The following SSX2IP variants were observed in gnomAD, a reference collection of about 807,000 sequenced individuals.
SSX2IP encodes afadin- and alpha-actinin-binding protein.
A neutral mutation model predicts 84.9 loss-of-function variants in SSX2IP; 55 were observed. The ratio of observed to expected loss-of-function variants is 0.65; its 90% CI spans 0.52 to 0.81. The LOEUF (loss-of-function observed/expected upper bound fraction) is 0.81, where lower values mean the gene tolerates loss of function less well. Ranked by LOEUF, SSX2IP falls within the 30% of genes least tolerant of loss-of-function variation. SSX2IP has a pLI of 0.00. For synonymous variants in SSX2IP, 239 were observed against 234.7 expected (o/e 1.02, Z -0.17); for missense variants, 664 against 705.2 (o/e 0.94, Z 0.66).
At chr1:84,670,028 T>C in intron 3 of SSX2IP, 135 bp from the exon 4 acceptor site, 1 of 614,668 alleles carries the variant, frequency 1.6e-6, no homozygotes, top group East Asian at 2.8e-5. Context: ...AGCTAATAAC[T>C]ACGTACTATA....
In SSX2IP at chr1:84,656,390, CT is replaced by C. The variant is rs1557477176; in HGVS notation, c.1172del (p.Gln391ArgfsTer6). 6.2e-7 allele frequency: 1 copy of C among 1,613,144 alleles called. No individual in the cohort carries two copies. Among genetic ancestry groups the C allele is most frequent in the Non-Finnish European group, 8.5e-7 (1 of 1,179,678 alleles). Reference protein sequence around the residue: ...QETEKLELEIQQCKEMIKTQQ... With the variant: ...QETEKLELEIXQCKEMIKTQQ... Reference sequence around the variant, plus strand: ...GAGTTTTAATCATTTCTTTACACTGCTGAATTTCTAACTCGAGTTTTTCAGT... The same window carrying C: ...GAGTTTTAATCATTTCTTTACACTGCGAATTTCTAACTCGAGTTTTTCAGT... On this transcript the variant is annotated frameshift_variant, in exon 10 of 14. Coordinates refer to ENST00000342203, the MANE Select transcript of SSX2IP (RefSeq NM_001166293.2). LOFTEE classifies it high-confidence loss of function.
chr1:84,664,945 T>A (rs17099184), intron 5 of SSX2IP, among the ~76,000 whole-genome samples: 4,325 of 152,288 alleles, frequency 0.028, 70 homozygotes, highest in African/African-American at 0.037. Context: ...TGTGACAAAG[T>A]GAATTAAGCC....
chr1:84,681,728 A>G (rs1336130838), intron 1 of SSX2IP, among the ~76,000 whole-genome samples: 8 of 152,226 alleles, frequency 5.3e-5, no homozygotes, highest in Non-Finnish European at 1.0e-4. Flanking sequence ...CCTTGAGTGG[A>G]AATCTCGACT....
chr1:84,675,030 A>T (rs1449401797), intron 1 of SSX2IP, among the ~76,000 whole-genome samples: 1 of 152,230 alleles, frequency 6.6e-6, no homozygotes, highest in Non-Finnish European at 1.5e-5. Flanking sequence ...AGCATTTTTT[A>T]TGAAGATGTT....
At position 84,661,010 on chromosome 1, in the gene SSX2IP, C is replaced by T. The variant is rs138105181; in HGVS notation, c.927+1188G>A. 9.6e-4 allele frequency among the ~76,000 whole-genome samples: 136 copies of T among 141,064 alleles called. 1 individual carries two copies. Among genetic ancestry groups the T allele is most frequent in the African/African-American group, 3.4e-3 (126 of 37,468 alleles). 92.5% of individuals were successfully genotyped at this position (141,064 alleles called of 152,430 possible). A position where few individuals can be genotyped will look rare whatever the true frequency, so the allele number is the denominator to read the frequency against. On this transcript the variant is annotated intron_variant, in intron 8 of 13. Transcript: ENST00000342203. ...TGAACTCGGGAGGCAGAGGTTGCAG[C>T]GAGTCGAGATTGTGCCACTGCGCTC...
chr1:84,644,910 C>T lies in SSX2IP; in HGVS notation c.*2523G>A, dbSNP rs567217818. On this transcript the variant is annotated 3_prime_UTR_variant, in exon 14 of 14. Coordinates refer to ENST00000342203, the MANE Select transcript of SSX2IP (RefSeq NM_001166293.2). ...AATACATTGCTTCTATAAGAAAATA[C>T]TATTTGTTAAATTTTAGTCATAATT... is the stretch of plus-strand genomic sequence containing the variant. 1.3e-5 allele frequency: 2 copies of T among 152,180 alleles called. No individual in the cohort carries two copies. The highest frequency in any genetic ancestry group is 1.9e-4 in the East Asian group (1 of 5,200). 9.4% of individuals were successfully genotyped at this position (152,180 alleles called of 1,614,324 possible).
chr1:84,665,982 A>G, intron 5 of SSX2IP, 140 bp downstream of exon 5: 1 of 644,760 alleles, frequency 1.6e-6, no homozygotes, highest in Non-Finnish European at 2.6e-6. Context: ...ACTATTACAC[A>G]AAGGTCCACC....
chr1:84,647,803 T>C (rs1479837758), intron 13 of SSX2IP, among the ~76,000 whole-genome samples, 196 bp from the exon 14 acceptor site: 1 of 151,312 alleles, frequency 6.6e-6, no homozygotes, highest in Non-Finnish European at 1.5e-5. Context: ...CCTAGCACTT[T>C]GGGAGGCTGA....
intron 12 of SSX2IP, 108 bp from the exon 13 acceptor site, chr1:84,650,635 G>T: frequency 8.7e-7 from 1 of 1,154,906 alleles, no homozygotes; most frequent in Non-Finnish European, 1.3e-6. Context: ...TGAGGAAAGA[G>T]ATGGAACAAA....
intron 1 of SSX2IP, among the ~76,000 whole-genome samples, chr1:84,678,400 A>T (rs1654658734): frequency 1.3e-5 from 2 of 152,214 alleles, no homozygotes; most frequent in African/African-American, 4.8e-5. Context: ...TTTACAAAAC[A>T]GTGCACAACC....
intron 8 of SSX2IP, among the ~76,000 whole-genome samples, chr1:84,660,790 C>A (rs561176056): frequency 2.0e-5 from 3 of 149,880 alleles, no homozygotes; most frequent in Non-Finnish European, 3.0e-5. Flanking sequence ...CAGTGGCTGA[C>A]GCCTGTAATC....
At chr1:84,649,054 T>C (rs1465657644) in intron 13 of SSX2IP, among the ~76,000 whole-genome samples, 2 of 152,208 alleles carry the variant, frequency 1.3e-5, no homozygotes, top group African/African-American at 2.4e-5. Flanking sequence ...TTAAAACTAG[T>C]GTTTTTTCTA....
At chr1:84,667,822 G>A (rs761364737) in intron 4 of SSX2IP, among the ~76,000 whole-genome samples, 1 of 152,016 alleles carries the variant, frequency 6.6e-6, no homozygotes, top group Non-Finnish European at 1.5e-5. Flanking sequence ...CTCAGATCAG[G>A]TGTTACCTCT....
rs1557453888 is a variant in SSX2IP, at chr1:84,646,560, C to G, written c.*873G>C. 6.6e-6 allele frequency: 1 copy of G among 152,524 alleles called. No homozygotes were observed. Among genetic ancestry groups the G allele is most frequent in the South Asian group, 2.1e-4 (1 of 4,822 alleles). 9.4% of individuals were successfully genotyped at this position (152,524 alleles called of 1,614,324 possible). On this transcript the variant is annotated 3_prime_UTR_variant, in exon 14 of 14. Transcript: ENST00000342203. ...AGATATCTTAAATATCTTCTATCAT[C>G]CAATATCTTAAACCAATTTCTTAAA...
At chr1:84,670,938 T>A (rs1385825050) in intron 2 of SSX2IP, 123 bp from the exon 3 acceptor site, 6 of 803,582 alleles carry the variant, frequency 7.5e-6, no homozygotes, top group Admixed American at 3.3e-5. Context: ...AATATATACA[T>A]ACATATTTTA....
intron 4 of SSX2IP, among the ~76,000 whole-genome samples, chr1:84,668,048 T>C (rs77416466): frequency 0.067 from 10,143 of 152,232 alleles, 432 homozygotes; most frequent in South Asian, 0.095. Context: ...TCCAGATAGA[T>C]TGGCAACTTT....
rs748686464 is a variant in SSX2IP, at chr1:84,662,342, A to G, written c.783T>C (p.Asn261=). The G allele has an allele frequency of 6.2e-7, 1 of 1,608,226 alleles. No homozygotes were observed. The highest frequency in any genetic ancestry group is 8.5e-7 in the Non-Finnish European group (1 of 1,178,010). Residue 261 remains asparagine, a synonymous_variant, in exon 8 of 14, where the codon AAT becomes AAC. Transcript: ENST00000342203. ...TTTGTTTCTGACGATATTCATAATC[A>G]TTCAAGAGAATTTTATACATTTCAT... ...NEDEMYKILL[N]DYEYRQKQIL... is the part of the protein sequence containing the mutation.
At chr1:84,680,913 T>C (rs1654997065) in intron 1 of SSX2IP, among the ~76,000 whole-genome samples, 1 of 152,174 alleles carries the variant, frequency 6.6e-6, no homozygotes, top group African/African-American at 2.4e-5. Context: ...AAAAGGCAAT[T>C]ATGGTGATGA....
intron 1 of SSX2IP, among the ~76,000 whole-genome samples, chr1:84,683,098 C>T (rs901900555): frequency 3.3e-5 from 5 of 151,852 alleles, no homozygotes; most frequent in African/African-American, 1.2e-4. Flanking sequence ...TTTAACATTA[C>T]ACCCTACTAT....
Sources: gnomAD v4.1 joint callset for allele counts (sites outside exome capture counted in the v4.1 genomes callset) on GRCh38, gnomAD v4.1.1 for gene constraint, MANE v1.5 for transcripts, NCBI Gene and HGNC (gene_info 2026-07-23, HGNC 2026-07-21) for gene names.